TAC1: variants seen among roughly 807,000 people sequenced by gnomAD.
TAC1 encodes the protein protachykinin-1.
Under a neutral mutation model 21.7 loss-of-function variants are expected in TAC1, and 12 were observed. That is an observed-to-expected ratio of 0.55 (90% CI 0.35 to 0.89). The LOEUF (loss-of-function observed/expected upper bound fraction) is 0.89, where lower values mean the gene tolerates loss of function less well. Ranked by LOEUF, TAC1 falls within the 40% of genes least tolerant of loss-of-function variation. The probability of loss-of-function intolerance (pLI) is 0.01; values close to 1 mark genes in which losing one functional copy is unlikely to be tolerated. For synonymous variants in TAC1, 52 were observed against 52.0 expected (o/e 1.00, Z 0.00); for missense variants, 128 against 151.4 (o/e 0.85, Z 0.81).
intron 5 of TAC1, among the ~76,000 whole-genome samples, chr7:97,735,277 TA>T (rs1789554534): frequency 6.6e-6 from 1 of 152,166 alleles, no homozygotes; most frequent in Admixed American, 6.5e-5. Flanking sequence ...TGATGTCATT[TA>T]TTAGGGTCAT....
intron 6 of TAC1, among the ~76,000 whole-genome samples, chr7:97,736,789 T>C (rs1256764332): frequency 1.3e-5 from 2 of 152,028 alleles, no homozygotes; most frequent in African/African-American, 2.4e-5. Context: ...AAAAATAAAT[T>C]CACAAAACAA....
rs1449689028 is a variant in TAC1, at chr7:97,732,447, C to T, written c.-9-157C>T. Among the ~76,000 whole-genome samples the T allele has an allele frequency of 4.6e-5, 7 of 152,160 alleles. No individual in the cohort carries two copies. The highest frequency in any genetic ancestry group is 2.1e-4 in the South Asian group (1 of 4,828). On this transcript the variant is annotated intron_variant, in intron 1 of 6. Transcript: ENST00000319273. This position sits in a 1 kb window ranked among gnomAD's most constrained non-coding sequence, Gnocchi z 6.2. ...GAGAATCTTTGGGACGCGATTCTCT[C>T]GCCTAACCGGTACAGGTGAGACTTC...
At chr7:97,739,044 TAATC>T (rs373959622) in intron 6 of TAC1, among the ~76,000 whole-genome samples, 1 of 124,988 alleles carries the variant, frequency 8.0e-6, no homozygotes, top group African/African-American at 2.8e-5. Flanking sequence ...TTTGTCCAGA[TAATC>T]AATGTATTTA....
rs750091427 is a variant in TAC1, at chr7:97,734,886, A to G, written c.289+37A>G. On this transcript the variant is annotated intron_variant, in intron 5 of 6. Coordinates refer to ENST00000319273, the MANE Select transcript of TAC1 (RefSeq NM_003182.3). ...ATTATTTTGACATTTATCAAATTTA[A>G]ATGTAAAATTATATTGAATTTCACT... 2.0e-6 allele frequency: 3 copies of G among 1,486,840 alleles called. No individual in the cohort carries two copies. The East Asian group carries it at 6.9e-5, about 34-fold the overall frequency. The allele number at this position is 1,486,840 out of a possible 1,614,324, so 92.1% of individuals were successfully genotyped here.
At chr7:97,733,665 G>T in intron 2 of TAC1, 58 bp from the exon 3 acceptor site, 1 of 1,567,282 alleles carries the variant, frequency 6.4e-7, no homozygotes, top group Non-Finnish European at 8.8e-7. Context: ...GGCTCGGGTT[G>T]CTGGGTGCCT....
chr7:97,734,777 T>C (rs770911855), intron 4 of TAC1, 49 bp from the exon 5 acceptor site: 1 of 1,395,280 alleles, frequency 7.2e-7, no homozygotes, highest in Non-Finnish European at 1.0e-6. Flanking sequence ...TAATGTAGCA[T>C]CTTTAAAAAC....
rs1247933844 is a variant in TAC1, at chr7:97,739,942, T to C, written c.*22T>C. 6.4e-7 allele frequency: 1 copy of C among 1,570,640 alleles called. No homozygotes were observed. Among genetic ancestry groups the C allele is most frequent in the Non-Finnish European group, 8.7e-7 (1 of 1,150,150 alleles). On this transcript the variant is annotated 3_prime_UTR_variant, in exon 7 of 7. Coordinates refer to ENST00000319273, the MANE Select transcript of TAC1 (RefSeq NM_003182.3). Reference sequence around the variant, plus strand: ...TTAATAAACTACCTAACATTATTTATTCAGCTTCATTTGTGTCAATGGGCA... The same window carrying C: ...TTAATAAACTACCTAACATTATTTACTCAGCTTCATTTGTGTCAATGGGCA...
chr7:97,737,903 T>TA (rs1441570266), intron 6 of TAC1, among the ~76,000 whole-genome samples: 1 of 152,048 alleles, frequency 6.6e-6, no homozygotes, highest in Non-Finnish European at 1.5e-5. Flanking sequence ...TTGATAATCA[T>TA]ATTAGTCATC....
chr7:97,736,264 T>C lies in TAC1; in HGVS notation c.290-35T>C, dbSNP rs372377656. The C allele has an allele frequency of 5.4e-5, 84 of 1,565,902 alleles. No homozygotes were observed. The Middle Eastern group carries it at 8.4e-4, about 16-fold the overall frequency. On this transcript the variant is annotated intron_variant, in intron 5 of 6. Transcript: ENST00000319273. Reference sequence around the variant, plus strand: ...ATAATAGTTTGTTTCCTCAAAGATATACATATTAAAATACCCCTAAATGTA... The same window carrying C: ...ATAATAGTTTGTTTCCTCAAAGATACACATATTAAAATACCCCTAAATGTA...
chr7:97,736,154 T>C (rs564398286), intron 5 of TAC1, 145 bp from the exon 6 acceptor site: 214 of 569,274 alleles, frequency 3.8e-4, no homozygotes, highest in African/African-American at 3.7e-3. Flanking sequence ...TTAAGGAATC[T>C]TTATTTCTTC....
rs545451104 is a variant in TAC1, at chr7:97,737,864, A to T, written c.343+1512A>T. On this transcript the variant is annotated intron_variant, in intron 6 of 6. Transcript: ENST00000319273. Reference sequence around the variant, plus strand: ...CAATGGCTTTTATTTGTACCAATACATACTAGTCCTCACTTAATTGTAGTT... The same window carrying T: ...CAATGGCTTTTATTTGTACCAATACTTACTAGTCCTCACTTAATTGTAGTT... Among the ~76,000 whole-genome samples the T allele has an allele frequency of 3.3e-5, 5 of 152,160 alleles. No individual in the cohort carries two copies. The South Asian group carries it at 1.0e-3, about 31-fold the overall frequency.
Position 97,732,967 on chromosome 7 carries a change from T to A in TAC1, c.123+232T>A. The A allele has an allele frequency of 2.0e-6, 1 of 496,196 alleles. No individual in the cohort carries two copies. The highest frequency in any genetic ancestry group is 3.6e-6 in the Non-Finnish European group (1 of 281,026). 30.7% of individuals were successfully genotyped at this position (496,196 alleles called of 1,614,324 possible). On this transcript the variant is annotated intron_variant, in intron 2 of 6. Coordinates refer to ENST00000319273, the MANE Select transcript of TAC1 (RefSeq NM_003182.3). The surrounding 1 kb of genome is among the most constrained non-coding windows in gnomAD (Gnocchi z 6.2). ...TGCACCGTCCGGCCCAGGAACTCCCTGCAGTAGGGATGCCCTCCCGGATGA... is the reference window on the plus strand; with the variant it reads ...TGCACCGTCCGGCCCAGGAACTCCCAGCAGTAGGGATGCCCTCCCGGATGA...
intron 2 of TAC1, 125 bp from the exon 3 acceptor site, chr7:97,733,598 C>A: frequency 2.4e-6 from 2 of 842,910 alleles, no homozygotes; most frequent in Non-Finnish European, 3.8e-6. Flanking sequence ...CCGCTCAGCC[C>A]GAGCGTGGGG....
intron 6 of TAC1, among the ~76,000 whole-genome samples, chr7:97,737,393 A>T (rs979869141): frequency 1.7e-4 from 26 of 151,986 alleles, no homozygotes; most frequent in Non-Finnish European, 2.1e-4. Context: ...AAAAATAATT[A>T]TCCTAGTGTT....
intron 6 of TAC1, among the ~76,000 whole-genome samples, chr7:97,738,329 T>C (rs932922254): frequency 6.6e-6 from 1 of 151,956 alleles, no homozygotes. Context: ...CTCAAAAATT[T>C]ATATCAGGCT....
At chr7:97,734,741 A>T in intron 4 of TAC1, 85 bp from the exon 5 acceptor site, 1 of 1,029,028 alleles carries the variant, frequency 9.7e-7, no homozygotes, top group Non-Finnish European at 1.4e-6. Flanking sequence ...ACATATTTTG[A>T]GAATCAAATT....
At chr7:97,735,278 A>T (rs1243721314) in intron 5 of TAC1, among the ~76,000 whole-genome samples, 5 of 152,186 alleles carry the variant, frequency 3.3e-5, no homozygotes, top group Admixed American at 3.3e-4. Context: ...GATGTCATTT[A>T]TTAGGGTCAT....
intron 6 of TAC1, 97 bp downstream of exon 6, chr7:97,736,449 T>A (rs1451925502): frequency 3.5e-6 from 4 of 1,155,036 alleles, no homozygotes; most frequent in Non-Finnish European, 5.0e-6. Context: ...GAGTGGTAGA[T>A]ATAAAAATGA....
chr7:97,732,810 C>A lies in TAC1; in HGVS notation c.123+75C>A. On this transcript the variant is annotated intron_variant, in intron 2 of 6. Transcript: ENST00000319273. The surrounding 1 kb of genome is among the most constrained non-coding windows in gnomAD (Gnocchi z 6.2). ...GCTGTCACCTTCCCACGCAACAGCA[C>A]CCTAGTTAACGTGGCACGCACCGCC... 1 of 1,537,520 alleles carries A rather than the reference C, an allele frequency of 6.5e-7. No individual in the cohort carries two copies. The highest frequency in any genetic ancestry group is 8.8e-7 in the Non-Finnish European group (1 of 1,139,596).
Sources: gnomAD v4.1 joint callset for allele counts (sites outside exome capture counted in the v4.1 genomes callset) on GRCh38, gnomAD v4.1.1 for gene constraint, Gnocchi (gnomAD v3.1) non-coding constraint, MANE v1.5 for transcripts, NCBI Gene and HGNC (gene_info 2026-07-23, HGNC 2026-07-21) for gene names.